LRP1B: variants seen among roughly 807,000 people sequenced by gnomAD.
LRP1B encodes LDL receptor related protein 1B, also known as low-density lipoprotein receptor-related protein 1B.
LRP1B carries 217 observed loss-of-function variants against 556.6 expected under a neutral mutation model. The ratio of observed to expected loss-of-function variants is 0.39; its 90% CI spans 0.35 to 0.44. LRP1B has a LOEUF of 0.44. Ranked by LOEUF, LRP1B falls within the 20% of genes least tolerant of loss-of-function variation. LRP1B has a pLI of 1.00. For synonymous variants in LRP1B, 2,047 were observed against 1,865.8 expected, an observed-to-expected ratio of 1.10 and a Z score of -2.50; for missense variants, 5,053 against 5,620.8, an observed-to-expected ratio of 0.90 and a Z score of 3.23.
chr2:140,638,385 T>A (rs1027295818), intron 41 of LRP1B, among the ~76,000 whole-genome samples: 1 of 152,140 alleles, frequency 6.6e-6, no homozygotes, highest in Admixed American at 6.6e-5. Context: ...AGACAAGCCA[T>A]AGACAATTCA....
Position 140,840,896 on chromosome 2 carries a change from TAA to T in LRP1B, c.5114+20_5114+21del. 3 of 1,407,088 alleles carry T rather than the reference TAA, an allele frequency of 2.1e-6. No homozygotes were observed. The highest frequency in any genetic ancestry group is 9.2e-7 in the Non-Finnish European group (1 of 1,085,032). The allele number at this position is 1,407,088 out of a possible 1,614,324, so 87.2% of individuals were successfully genotyped here. The stretch of plus-strand genomic sequence containing the variant: ...AGTCTATGAAATTTTGGAAAAACTT[TAA>T]AAAAAAAATCATACTTTACCCCCTG... On this transcript the variant is annotated intron_variant, in intron 30 of 90. Coordinates refer to ENST00000389484, the MANE Select transcript of LRP1B (RefSeq NM_018557.3).
chr2:141,949,473 C>A (rs991376419), intron 1 of LRP1B, among the ~76,000 whole-genome samples: 2 of 152,152 alleles, frequency 1.3e-5, no homozygotes, highest in African/African-American at 4.8e-5. Flanking sequence ...TCACTGCAAC[C>A]TCTGCCTCCT....
chr2:140,559,313 G>T (rs1680848236), intron 43 of LRP1B, among the ~76,000 whole-genome samples: 1 of 151,850 alleles, frequency 6.6e-6, no homozygotes, highest in African/African-American at 2.4e-5. Context: ...GCAATATATG[G>T]ACTTTATCTG....
At chr2:140,526,085 T>C in intron 48 of LRP1B, 92 bp from the exon 49 acceptor site, 1 of 1,419,620 alleles carries the variant, frequency 7.0e-7, no homozygotes, top group African/African-American at 1.4e-5. Context: ...AAAGTTAACT[T>C]CATTTGAGGA....
At chr2:140,900,279 A>G (rs1311850398) in intron 23 of LRP1B, among the ~76,000 whole-genome samples, 1 of 152,238 alleles carries the variant, frequency 6.6e-6, no homozygotes, top group Non-Finnish European at 1.5e-5. Flanking sequence ...TGTTATCTGT[A>G]TCCAAAACAA....
intron 35 of LRP1B, among the ~76,000 whole-genome samples, chr2:140,753,311 T>G (rs1688645061): frequency 6.6e-6 from 1 of 152,220 alleles, no homozygotes; most frequent in East Asian, 1.9e-4. Context: ...TGTAGTAAAT[T>G]CTACTTCAAA....
chr2:140,963,993 G>C (rs866487637), intron 18 of LRP1B, among the ~76,000 whole-genome samples: 2 of 152,142 alleles, frequency 1.3e-5, no homozygotes, highest in South Asian at 2.1e-4. Context: ...GCGGAGACCG[G>C]TAGTGGCCCC....
chr2:141,843,142 T>G (rs1188314948), intron 1 of LRP1B, among the ~76,000 whole-genome samples: 2 of 152,180 alleles, frequency 1.3e-5, no homozygotes, highest in Non-Finnish European at 2.9e-5. Context: ...TCTGTTCTTT[T>G]TTGTTTCTCT....
Position 140,799,582 on chromosome 2 carries a change from T to C in LRP1B, c.5359+14075A>G, listed in dbSNP as rs1396987025. Reference sequence around the variant, plus strand: ...ACTGTTACAGATATTCTATGATTCATTTGGCTAGTCCTTTATAATGCAGAT... The same window carrying C: ...ACTGTTACAGATATTCTATGATTCACTTGGCTAGTCCTTTATAATGCAGAT... On this transcript the variant is annotated intron_variant, in intron 32 of 90. Transcript: ENST00000389484. Among the ~76,000 whole-genome samples the C allele has an allele frequency of 4.6e-5, 7 of 152,232 alleles. No individual in the cohort carries two copies. In the South Asian group the frequency reaches 1.0e-3, roughly 22 times the overall value.
At chr2:141,035,531 C>T (rs1698507205) in intron 11 of LRP1B, among the ~76,000 whole-genome samples, 1 of 152,008 alleles carries the variant, frequency 6.6e-6, no homozygotes, top group Non-Finnish European at 1.5e-5. Flanking sequence ...CAGATAAACA[C>T]TTTGCCTTCT....
At chr2:140,926,986 C>G (rs1000768176) in intron 20 of LRP1B, among the ~76,000 whole-genome samples, 1 of 152,074 alleles carries the variant, frequency 6.6e-6, no homozygotes, top group Non-Finnish European at 1.5e-5. Flanking sequence ...GAAAAAGGAA[C>G]AACCATCAGC....
intron 27 of LRP1B, among the ~76,000 whole-genome samples, chr2:140,855,193 A>G (rs555073912): frequency 1.8e-4 from 28 of 151,920 alleles, no homozygotes; most frequent in Admixed American, 4.6e-4. Flanking sequence ...GGTTCTATAC[A>G]CTAACCTGGT....
intron 18 of LRP1B, among the ~76,000 whole-genome samples, chr2:140,976,490 C>CTT (rs796340223): frequency 6.9e-5 from 8 of 116,576 alleles, no homozygotes; most frequent in African/African-American, 2.5e-4. Flanking sequence ...ATTGAACTAT[C>CTT]TTTTTTTTTT....
In LRP1B at chr2:141,216,497, T is replaced by C. The variant is rs148856169; in HGVS notation, c.850+12686A>G. Among the ~76,000 whole-genome samples, 1,005 of 152,238 alleles carry C rather than the reference T, an allele frequency of 6.6e-3. 7 individuals are homozygous for C. The highest frequency in any genetic ancestry group is 0.02 in the Middle Eastern group (6 of 294). ...TCCACTCAGAGTTCCCAGTGGGGCA[T>C]TACCTAGTGAAGCTGTGGGAAGGGG... On this transcript the variant is annotated intron_variant, in intron 6 of 90. Coordinates refer to ENST00000389484, the MANE Select transcript of LRP1B (RefSeq NM_018557.3).
intron 2 of LRP1B, among the ~76,000 whole-genome samples, chr2:141,517,265 C>CACACACACACACACACACAT (rs1295363543): frequency 2.0e-5 from 3 of 151,078 alleles, no homozygotes; most frequent in Admixed American, 2.0e-4. Flanking sequence ...AGAATACGCA[C>CACACACACACACACACACAT]ACACACAGAC....
rs34488899 is a variant in LRP1B, at chr2:140,868,265, T to TAAAAAAA, written c.4170-9_4170-3dup. 3 of 1,296,290 alleles carry TAAAAAAA rather than the reference T, an allele frequency of 2.3e-6. No homozygotes were observed. The highest frequency in any genetic ancestry group is 1.8e-5 in the African/African-American group (1 of 54,066). The allele number at this position is 1,296,290 out of a possible 1,614,324, so 80.3% of individuals were successfully genotyped here. ...TCCCAGTCTGTCCAGAAAAGAATTC[T>TAAAAAAA]AAAAAAAAAAAAAAAAAAAGAAATA... On this transcript the variant is annotated splice_polypyrimidine_tract_variant and splice_region_variant and intron_variant, in intron 25 of 90. Transcript: ENST00000389484.
At chr2:141,810,485 G>T (rs1279363967) in intron 1 of LRP1B, 84 bp from the exon 2 acceptor site, 1 of 1,388,604 alleles carries the variant, frequency 7.2e-7, no homozygotes, top group Non-Finnish European at 1.0e-6. Context: ...ATGTGAAAAA[G>T]CAATACATAA....
chr2:141,580,173 A>G (rs1242983078), intron 2 of LRP1B, among the ~76,000 whole-genome samples: 1 of 152,170 alleles, frequency 6.6e-6, no homozygotes. Flanking sequence ...CATTTTAGGC[A>G]CTAATTTAGA....
chr2:140,336,843 T>C (rs1325249550), intron 77 of LRP1B, among the ~76,000 whole-genome samples: 1 of 151,864 alleles, frequency 6.6e-6, no homozygotes, highest in African/African-American at 2.4e-5. Flanking sequence ...ACTAGTGTAG[T>C]AATTAATTTG....
Sources: gnomAD v4.1 joint callset for allele counts (sites outside exome capture counted in the v4.1 genomes callset) on GRCh38, gnomAD v4.1.1 for gene constraint, MANE v1.5 for transcripts, NCBI Gene and HGNC (gene_info 2026-07-23, HGNC 2026-07-21) for gene names.